CCDC30: variants seen among roughly 807,000 people sequenced by gnomAD.
CCDC30 encodes coiled-coil domain containing 30, also known as coiled-coil domain-containing protein 30.
In CCDC30, 70 loss-of-function variants were observed where a neutral mutation model predicts 100.2. That is an observed-to-expected ratio of 0.70 (90% CI 0.58 to 0.85). The LOEUF is 0.85. Ranked by LOEUF, CCDC30 falls within the 40% of genes least tolerant of loss-of-function variation. The pLI, the probability that CCDC30 is intolerant of heterozygous loss-of-function variation, is 0.00. For synonymous variants in CCDC30, 233 were observed against 269.5 expected (o/e 0.86, Z 1.33); for missense variants, 652 against 771.2 (o/e 0.85, Z 1.83).
At chr1:42,625,325 TTG>T (rs1491042315) in intron 11 of CCDC30, among the ~76,000 whole-genome samples, 12 of 143,856 alleles carry the variant, frequency 8.3e-5, no homozygotes, top group South Asian at 2.2e-4. Context: ...AAACAACTTT[TTG>T]TTTCATTGAT....
the CCDC30 span, chr1:42,456,165 G>A: frequency 1.5e-6 from 1 of 652,184 alleles, no homozygotes; most frequent in Non-Finnish European, 2.8e-6. Flanking sequence ...GTTGGAAAAG[G>A]GGAAGAAAGA....
chr1:42,545,518 T>C (rs980739424), intron 6 of CCDC30: 1 of 1,606,392 alleles, frequency 6.2e-7, no homozygotes. Context: ...AGATCCTGAA[T>C]CTAATGAACC....
At chr1:42,612,877 T>A (rs554430532) in intron 11 of CCDC30, among the ~76,000 whole-genome samples, 1 of 152,246 alleles carries the variant, frequency 6.6e-6, no homozygotes, top group Non-Finnish European at 1.5e-5. Context: ...AATTACTCAC[T>A]GGTCTGATGG....
intron 6 of CCDC30, among the ~76,000 whole-genome samples, chr1:42,561,616 G>A (rs189293004): frequency 1.6e-4 from 25 of 152,068 alleles, no homozygotes; most frequent in African/African-American, 6.0e-4. Flanking sequence ...GGGCAGTCAG[G>A]CAAAAGAAAG....
chr1:42,627,569 C>G (rs1311331090), intron 11 of CCDC30, among the ~76,000 whole-genome samples: 2 of 152,140 alleles, frequency 1.3e-5, no homozygotes, highest in African/African-American at 4.8e-5. Flanking sequence ...CACAGAGGCC[C>G]AGGAGGAAAA....
In CCDC30 at chr1:42,603,488, C is replaced by G. The variant is rs145842157; in HGVS notation, c.1165-7490C>G. On this transcript the variant is annotated intron_variant, in intron 10 of 16. Transcript: ENST00000668663. Reference sequence around the variant, plus strand: ...TTTGACAAAATCCAACATCCATTCACTATAAATGCTGTCAGTAAACTGGAA... The same window carrying G: ...TTTGACAAAATCCAACATCCATTCAGTATAAATGCTGTCAGTAAACTGGAA... Among the ~76,000 whole-genome samples, 1,041 of 152,314 alleles carry G rather than the reference C, an allele frequency of 6.8e-3. 11 individuals carry two copies. The highest frequency in any genetic ancestry group is 0.024 in the African/African-American group (993 of 41,550).
intron 5 of CCDC30, among the ~76,000 whole-genome samples, chr1:42,497,860 G>C (rs1644252977): frequency 6.6e-6 from 1 of 152,104 alleles, no homozygotes; most frequent in South Asian, 2.1e-4. Flanking sequence ...AGCCACCATG[G>C]AAAACAGTTA....
chr1:42,556,498 T>C, intron 6 of CCDC30, 93 bp downstream of exon 10: 2 of 1,379,616 alleles, frequency 1.4e-6, no homozygotes, highest in South Asian at 1.6e-5. Flanking sequence ...TTCATATATA[T>C]GTTTTTTTTT....
At chr1:42,650,513 G>A (rs201055725) in intron 15 of CCDC30, among the ~76,000 whole-genome samples, 58 of 151,260 alleles carry the variant, frequency 3.8e-4, no homozygotes, top group African/African-American at 8.7e-4. Context: ...GTGTGTGTGT[G>A]TGTGTGTGTG....
intron 1 of CCDC30, among the ~76,000 whole-genome samples, chr1:42,478,771 A>G (rs978752282): frequency 2.6e-5 from 4 of 152,058 alleles, no homozygotes; most frequent in African/African-American, 9.7e-5. Context: ...ACAACAGAAT[A>G]AAACAAAACA....
At chr1:42,602,964 G>T (rs971500591) in intron 10 of CCDC30, among the ~76,000 whole-genome samples, 15 of 152,292 alleles carry the variant, frequency 9.8e-5, no homozygotes, top group Admixed American at 1.3e-4. Flanking sequence ...TGCAAAACTG[G>T]TTCAACATTT....
chr1:42,655,299 TG>T (rs1340078834), downstream of CCDC30, among the ~76,000 whole-genome samples: 2 of 152,038 alleles, frequency 1.3e-5, no homozygotes, highest in African/African-American at 4.8e-5. Context: ...CCCAGCACTT[TG>T]GGAGGCCGAG....
chr1:42,618,035 A>G (rs1646758399), intron 11 of CCDC30, among the ~76,000 whole-genome samples: 1 of 152,182 alleles, frequency 6.6e-6, no homozygotes, highest in South Asian at 2.1e-4. Context: ...GTTAGGTCAG[A>G]TCTCTTTCAC....
At chr1:42,530,364 A>G (rs1189981426) in intron 6 of CCDC30, among the ~76,000 whole-genome samples, 3 of 152,206 alleles carry the variant, frequency 2.0e-5, no homozygotes, top group African/African-American at 7.2e-5. Context: ...TACTATGCCT[A>G]ATTTACAAAT....
At chr1:42,456,590 G>A in the CCDC30 span, 1 of 1,501,906 alleles carries the variant, frequency 6.7e-7, no homozygotes, top group Non-Finnish European at 8.9e-7. Flanking sequence ...TCCGGTAGCC[G>A]AGTTCCCCCA....
intron 15 of CCDC30, among the ~76,000 whole-genome samples, 187 bp from the exon 20 acceptor site, chr1:42,653,189 A>ATAT (rs1648498822): frequency 6.6e-6 from 1 of 152,138 alleles, no homozygotes; most frequent in Admixed American, 6.5e-5. Flanking sequence ...CTATAGATAA[A>ATAT]TATAGATAGG....
At chr1:42,652,522 T>C (rs535563787) in intron 15 of CCDC30, among the ~76,000 whole-genome samples, 1 of 152,312 alleles carries the variant, frequency 6.6e-6, no homozygotes, top group Admixed American at 6.5e-5. Context: ...AAAAACTTTC[T>C]GACCATCACA....
At chr1:42,482,934 A>G in intron 3 of CCDC30, 118 bp downstream of exon 3, 2 of 698,682 alleles carry the variant, frequency 2.9e-6, no homozygotes, top group South Asian at 7.7e-5. Flanking sequence ...AGATAAACAC[A>G]TAAAAGTGAT....
chr1:42,623,986 T>A (rs573426356), intron 11 of CCDC30, among the ~76,000 whole-genome samples: 41 of 152,322 alleles, frequency 2.7e-4, no homozygotes, highest in Non-Finnish European at 3.2e-4. Flanking sequence ...TAATTTTATG[T>A]CTGGCTATTA....
Sources: allele counts gnomAD v4.1 joint callset (sites outside exome capture counted in the v4.1 genomes callset), GRCh38; gene constraint gnomAD v4.1.1; transcripts MANE v1.5; gene names NCBI Gene and HGNC (gene_info 2026-07-23, HGNC 2026-07-21).